Variants in ACTR3 observed in about 807,000 individuals in gnomAD.
The protein encoded by ACTR3 is actin related protein 3.
ACTR3 carries 12 observed loss-of-function variants against 56.8 expected under a neutral mutation model. That is an observed-to-expected ratio of 0.21 (90% CI 0.14 to 0.34). The LOEUF (loss-of-function observed/expected upper bound fraction) is 0.34, where lower values mean the gene tolerates loss of function less well. ACTR3 is among the 10% of genes least tolerant of loss of function. ACTR3 has a pLI of 1.00. For synonymous variants in ACTR3, 162 were observed against 167.4 expected (o/e 0.97, Z 0.25); for missense variants, 282 against 512.5 (o/e 0.55, Z 4.34).
chr2:113,915,923 A>G (rs1215522543), intron 2 of ACTR3, among the ~76,000 whole-genome samples: 1 of 152,168 alleles, frequency 6.6e-6, no homozygotes, highest in African/African-American at 2.4e-5. Context: ...TCTTTTACTA[A>G]TGAGTATTGA....
chr2:113,960,172 CAAAT>C lies in ACTR3; in HGVS notation c.*2721_*2724del, dbSNP rs1244892165. ...TGATCAAGTGGGAAATAGTAATGGACAAATAAAATCAATGATCATTATCTAACTT... is the reference window on the plus strand; with the variant it reads ...TGATCAAGTGGGAAATAGTAATGGACAAAATCAATGATCATTATCTAACTT... On this transcript the variant is annotated 3_prime_UTR_variant, in exon 12 of 12. Transcript: ENST00000263238. 1 of 151,910 alleles carries C rather than the reference CAAAT, an allele frequency of 6.6e-6. No individual in the cohort carries two copies. The highest frequency in any genetic ancestry group is 1.5e-5 in the Non-Finnish European group (1 of 67,888). 9.4% of individuals were successfully genotyped at this position (151,910 alleles called of 1,614,324 possible). A position where few individuals can be genotyped will look rare whatever the true frequency, so the allele number is the denominator to read the frequency against.
intron 6 of ACTR3, among the ~76,000 whole-genome samples, chr2:113,935,543 T>A (rs568901813): frequency 1.2e-3 from 186 of 152,364 alleles, no homozygotes; most frequent in African/African-American, 4.3e-3. Context: ...GTATTTCATT[T>A]CTTTTTATTG....
rs1680333630 is a variant in ACTR3, at chr2:113,961,975, C to T, written c.*4520C>T. The stretch of plus-strand genomic sequence containing the variant: ...ACAGTAGCATCTGCTTTATTCATTT[C>T]ATATTTCCAGTGCCTGACATATTGC... On this transcript the variant is annotated 3_prime_UTR_variant, in exon 12 of 12. Transcript: ENST00000263238. The T allele has an allele frequency of 6.6e-6, 1 of 151,950 alleles. No homozygotes were observed. Among genetic ancestry groups the T allele is most frequent in the Admixed American group, 6.6e-5 (1 of 15,230 alleles). 9.4% of individuals were successfully genotyped at this position (151,950 alleles called of 1,614,324 possible).
intron 7 of ACTR3, among the ~76,000 whole-genome samples, chr2:113,940,650 G>A (rs867770988): frequency 2.6e-5 from 4 of 151,706 alleles, no homozygotes; most frequent in Non-Finnish European, 5.9e-5. Context: ...CTTTAGCATC[G>A]TCTTTCAAAC....
rs781564119 is a variant in ACTR3, at chr2:113,934,392, G to C, written c.540+6G>C. 6.5e-7 allele frequency: 1 copy of C among 1,541,980 alleles called. No homozygotes were observed. The highest frequency in any genetic ancestry group is 1.2e-5 in the South Asian group (1 of 83,010). On this transcript the variant is annotated splice_donor_region_variant and intron_variant, in intron 6 of 11. Transcript: ENST00000263238. ...TCACTCATGTCATTCCTGTGGTAAG[G>C]CTATTTTACAGTTACTGAACAGAAC...
chr2:113,924,056 T>G (rs772713653), intron 3 of ACTR3, among the ~76,000 whole-genome samples: 1 of 102,014 alleles, frequency 9.8e-6, no homozygotes, highest in Non-Finnish European at 1.7e-5. Flanking sequence ...TTTTTTCTCT[T>G]TTTTTTTTTT....
At chr2:113,955,596 A>T (rs763326891) in intron 10 of ACTR3, 27 bp from the exon 11 acceptor site, 1 of 1,494,660 alleles carries the variant, frequency 6.7e-7, no homozygotes, top group East Asian at 2.3e-5. Flanking sequence ...TTTACTATGA[A>T]GATGATCATA....
chr2:113,906,822 T>C lies in ACTR3; in HGVS notation c.45-6350T>C, dbSNP rs189871261. 5.8e-3 allele frequency among the ~76,000 whole-genome samples: 879 copies of C among 152,306 alleles called. 5 individuals carry two copies. The highest frequency in any genetic ancestry group is 8.3e-3 in the Non-Finnish European group (565 of 68,010). ...GGGCTCCTGATTCTGTTAGTTCTTA[T>C]GCCAGTACCATACTGTTTTGGTCAC... On this transcript the variant is annotated intron_variant, in intron 1 of 11. Coordinates refer to ENST00000263238, the MANE Select transcript of ACTR3 (RefSeq NM_005721.5).
intron 3 of ACTR3, among the ~76,000 whole-genome samples, chr2:113,921,544 C>T (rs779108544): frequency 4.6e-5 from 7 of 152,076 alleles, no homozygotes; most frequent in East Asian, 1.9e-4. Context: ...AATCTTTTCC[C>T]GTACCAATGT....
chr2:113,953,264 T>C (rs1251924009), intron 10 of ACTR3: 1 of 152,190 alleles, frequency 6.6e-6, no homozygotes, highest in Non-Finnish European at 1.5e-5. Flanking sequence ...TATCGACATA[T>C]TGAAAGAAAC....
intron 1 of ACTR3, among the ~76,000 whole-genome samples, chr2:113,891,663 TA>T (rs1251692724): frequency 6.6e-6 from 1 of 151,788 alleles, no homozygotes; most frequent in Non-Finnish European, 1.5e-5. Context: ...TATTGTTACT[TA>T]AAAGATTGTG....
intron 8 of ACTR3, among the ~76,000 whole-genome samples, chr2:113,948,690 A>G (rs945383153): frequency 3.3e-5 from 5 of 152,166 alleles, no homozygotes; most frequent in African/African-American, 9.7e-5. Context: ...TTGTTTTCCA[A>G]GAAGTCATTA....
rs750214073 is a variant in ACTR3 at position 113,951,865 on chromosome 2, G to T, written c.1077+20G>T. 2 of 1,612,064 alleles carry T rather than the reference G, an allele frequency of 1.2e-6. No homozygotes were observed. Among genetic ancestry groups the T allele is most frequent in the Admixed American group, 3.3e-5 (2 of 59,982 alleles). On this transcript the variant is annotated intron_variant, in intron 10 of 11. Transcript: ENST00000263238. ...TTGAAGGTTGGTTTTCCCAATTATT[G>T]GTGAGAAGGTTGAGGGTGCCTTCCT...
At chr2:113,903,160 A>AC (rs1332708471) in intron 1 of ACTR3, among the ~76,000 whole-genome samples, 4 of 152,208 alleles carry the variant, frequency 2.6e-5, no homozygotes, top group Non-Finnish European at 5.9e-5. Flanking sequence ...ATTTCCCAAT[A>AC]CCTGGCAACT....
Position 113,958,712 on chromosome 2 carries a change from T to A in ACTR3, c.*1257T>A, listed in dbSNP as rs908845902. 4.6e-5 allele frequency: 7 copies of A among 151,992 alleles called. No homozygotes were observed. Among genetic ancestry groups the A allele is most frequent in the African/African-American group, 1.4e-4 (6 of 41,410 alleles). The allele number at this position is 151,992 out of a possible 1,614,324, so 9.4% of individuals were successfully genotyped here. A position where few individuals can be genotyped will look rare whatever the true frequency, so the allele number is the denominator to read the frequency against. ...TCTGTAATGTGTATGGTAGAAAATT[T>A]CTTGTGACCTTAAAATTTTACCAGT... is the stretch of plus-strand genomic sequence containing the variant. On this transcript the variant is annotated 3_prime_UTR_variant, in exon 12 of 12. Transcript: ENST00000263238.
chr2:113,912,723 T>C (rs566550175), intron 1 of ACTR3, among the ~76,000 whole-genome samples: 1 of 152,340 alleles, frequency 6.6e-6, no homozygotes, highest in Non-Finnish European at 1.5e-5. Flanking sequence ...GATACATTGT[T>C]CTGTATCTTT....
At chr2:113,915,155 C>T (rs901456687) in intron 2 of ACTR3, among the ~76,000 whole-genome samples, 5 of 152,160 alleles carry the variant, frequency 3.3e-5, no homozygotes, top group African/African-American at 7.2e-5. Context: ...AGCTACCGTA[C>T]GTAACACAGT....
At chr2:113,950,418 G>T (rs930453328) in intron 8 of ACTR3, among the ~76,000 whole-genome samples, 12 of 152,202 alleles carry the variant, frequency 7.9e-5, no homozygotes, top group African/African-American at 2.7e-4. Flanking sequence ...GCTGAAACTA[G>T]ATAGCAGAGT....
At chr2:113,949,919 A>C (rs1156868550) in intron 8 of ACTR3, among the ~76,000 whole-genome samples, 2 of 152,100 alleles carry the variant, frequency 1.3e-5, no homozygotes, top group African/African-American at 4.8e-5. Flanking sequence ...GTTTTTCTTG[A>C]GTGCCAGCTG....
Sources: gnomAD v4.1 joint callset for allele counts (sites outside exome capture counted in the v4.1 genomes callset) on GRCh38, gnomAD v4.1.1 for gene constraint, MANE v1.5 for transcripts, NCBI Gene and HGNC (gene_info 2026-07-23, HGNC 2026-07-21) for gene names.